Variants in MYORG observed in about 807,000 individuals in gnomAD.
The protein encoded by MYORG is myogenesis regulating glycosidase.
MYORG carries 45 observed loss-of-function variants against 49.8 expected under a neutral mutation model. The observed-to-expected ratio is 0.90, with a 90% CI of 0.71 to 1.16. The LOEUF is 1.16. Ranked by LOEUF, MYORG falls within the 50% of genes most tolerant of loss-of-function variation. MYORG has a pLI of 0.00. For synonymous variants in MYORG, 552 were observed against 462.9 expected, an observed-to-expected ratio of 1.19 and a Z score of -2.47; for missense variants, 1,110 against 1,026.5, an observed-to-expected ratio of 1.08 and a Z score of -1.11.
Position 34,368,303 on chromosome 9 carries a change from T to A in MYORG, c.*2496A>T, listed in dbSNP as rs1820530834. The stretch of plus-strand genomic sequence containing the variant: ...AGACATTTTCCCCATGTCTTAGTGA[T>A]TAACATTTGGCTCCTTGTTACTTAT... On this transcript the variant is annotated 3_prime_UTR_variant, in exon 2 of 2. Transcript: ENST00000297625. 6.6e-6 allele frequency: 1 copy of A among 152,268 alleles called. No individual in the cohort carries two copies. Among genetic ancestry groups the A allele is most frequent in the Non-Finnish European group, 1.5e-5 (1 of 68,046 alleles). 9.4% of individuals were successfully genotyped at this position (152,268 alleles called of 1,614,324 possible).
intron 1 of MYORG, among the ~76,000 whole-genome samples, chr9:34,375,504 A>G (rs1188342762): frequency 6.6e-6 from 1 of 152,234 alleles, no homozygotes; most frequent in Non-Finnish European, 1.5e-5. Flanking sequence ...GATGCCCTCA[A>G]GCTGAGCAGA....
Position 34,372,320 on chromosome 9 carries a change from C to G in MYORG, c.624G>C (p.Pro208=), listed in dbSNP as rs1390547581. ...IRLDGQQEPQ[P]FVTSDVYSSD... is the part of the protein sequence containing the mutation. ...AGGAGTAGACATCGCTGGTGACGAACGGCTGGGGCTCCTGCTGGCCATCCA... is the reference window on the plus strand; with the variant it reads ...AGGAGTAGACATCGCTGGTGACGAAGGGCTGGGGCTCCTGCTGGCCATCCA... Residue 208 remains proline (P), a synonymous_variant, in exon 2 of 2, where the codon CCG becomes CCC. Coordinates refer to ENST00000297625, the MANE Select transcript of MYORG (RefSeq NM_020702.5). 6.2e-7 allele frequency: 1 copy of G among 1,606,934 alleles called. No individual in the cohort carries two copies. Among genetic ancestry groups the G allele is most frequent in the African/African-American group, 1.3e-5 (1 of 74,804 alleles).
In MYORG at chr9:34,372,647, G is replaced by A. The variant is rs2131881692; in HGVS notation, c.297C>T (p.Gly99=). 6.2e-7 allele frequency: 1 copy of A among 1,607,360 alleles called. No individual in the cohort carries two copies. Among genetic ancestry groups the A allele is most frequent in the Non-Finnish European group, 8.5e-7 (1 of 1,177,108 alleles). Residue 99 remains glycine, a synonymous_variant, in exon 2 of 2, where the codon GGC becomes GGT. Transcript: ENST00000297625. ...RAELLDLKAG[G]FSIRNQKGEQ... ...CTCCCTTCTGATTGCGGATGGAGAA[G>A]CCGCCAGCTTTCAGGTCCAGCAGCT... is the stretch of plus-strand genomic sequence containing the variant.
rs751777259 is a variant in MYORG, at chr9:34,372,247, G to C, written c.697C>G (p.Arg233Gly). 9 of 1,610,686 alleles carry C rather than the reference G, an allele frequency of 5.6e-6. No individual in the cohort carries two copies. The highest frequency in any genetic ancestry group is 2.2e-5 in the East Asian group (1 of 44,768). Residue 233 changes from arginine (R) to glycine (G), a missense_variant, in exon 2 of 2, where the codon CGC becomes GGC. By Grantham distance (125) the Arg-to-Gly change is moderately radical. Transcript: ENST00000297625. The stretch of plus-strand genomic sequence containing the variant: ...TCATTGACTTTGATGGCGGCCGCGC[G>C]CGAAGATAGCCAGTAGCGCTCGAGG... ...GILERYWLSS[R>G]AAAIKVNDSV...
rs551978122 is a variant in MYORG at position 34,370,125 on chromosome 9, T to C, written c.*674A>G. ...CACATTTGGCCCAGGGCTGAGCCCA[T>C]GTATGTACACAAATGGGTTAGTGCA... On this transcript the variant is annotated 3_prime_UTR_variant, in exon 2 of 2. Coordinates refer to ENST00000297625, the MANE Select transcript of MYORG (RefSeq NM_020702.5). The C allele has an allele frequency of 1.3e-5, 2 of 152,768 alleles. No individual in the cohort carries two copies. Among genetic ancestry groups the C allele is most frequent in the African/African-American group, 2.4e-5 (1 of 41,468 alleles). The allele number at this position is 152,768 out of a possible 1,614,324, so 9.5% of individuals were successfully genotyped here.
Position 34,371,661 on chromosome 9 carries a change from C to G in MYORG, c.1283G>C (p.Gly428Ala). 6.2e-7 allele frequency: 1 copy of G among 1,606,842 alleles called. No individual in the cohort carries two copies. Among genetic ancestry groups the G allele is most frequent in the Non-Finnish European group, 8.5e-7 (1 of 1,176,800 alleles). Residue 428 changes from glycine to alanine, a missense_variant, in exon 2 of 2, where the codon GGC becomes GCC. Physicochemically the swap from Gly to Ala is moderately conservative, Grantham distance 60 (BLOSUM62 0). Transcript: ENST00000297625. ...CGTGAAGTCTAGCACCGCGCCGATG[C>G]CGTTCCACCAGCGCACCAGCGCAGG... ...RLPALVRWWN[G>A]IGAVLDFTHP... is the part of the protein sequence containing the mutation.
At position 34,371,963 on chromosome 9, in the gene MYORG, G is replaced by C. The variant is rs755314686; in HGVS notation, c.981C>G (p.Ala327=). 3 of 1,614,042 alleles carry C rather than the reference G, an allele frequency of 1.9e-6. No individual in the cohort carries two copies. Among genetic ancestry groups the C allele is most frequent in the South Asian group, 2.2e-5 (2 of 91,092 alleles). ...AACGCAGCACCTTGTCCTGGTCCAC[G>C]GCGCGCCCGTACAGCGCCCATGTGG... is the stretch of plus-strand genomic sequence containing the variant. The part of the protein sequence containing the change: ...IWSTWALYGR[A]VDQDKVLRFA... The change falls in exon 2 of 2, where the codon GCC becomes GCG. Residue 327 remains alanine, a synonymous_variant. Transcript: ENST00000297625.
chr9:34,372,004 G>C lies in MYORG; in HGVS notation c.940C>G (p.Arg314Gly), dbSNP rs769496749. 1.9e-6 allele frequency: 3 copies of C among 1,613,994 alleles called. No individual in the cohort carries two copies. The South Asian group carries it at 3.3e-5, about 18-fold the overall frequency. Residue 314 changes from arginine to glycine, a missense_variant, in exon 2 of 2, where the codon CGA becomes GGA. Physicochemically the swap from Arg to Gly is moderately radical, Grantham distance 125. Coordinates refer to ENST00000297625, the MANE Select transcript of MYORG (RefSeq NM_020702.5). ...GCCCATGTGGACCAAATGGGGTCTC[G>C]GAAGGCCTCGGGTGCTGGCACCCTT... ...PSRVPAPEAF[R>G]DPIWSTWALY... is the part of the protein sequence containing the mutation.
chr9:34,374,508 A>T (rs989821648), intron 1 of MYORG, among the ~76,000 whole-genome samples: 2 of 152,042 alleles, frequency 1.3e-5, no homozygotes, highest in East Asian at 3.9e-4. Flanking sequence ...AGCTTGGCCC[A>T]GCGCACCTCC....
At position 34,371,742 on chromosome 9, in the gene MYORG, C is replaced by A. The variant is rs771258817; in HGVS notation, c.1202G>T (p.Arg401Leu). The stretch of plus-strand genomic sequence containing the variant: ...CTCGCGCTCCACGCCCTCGCCGAAG[C>A]GCGACGAGTTGTAGTTGACAAAAGG... The part of the protein sequence containing the change: ...VHPFVNYNSS[R>L]FGEGVERELF... The change falls in exon 2 of 2, where the codon CGC becomes CTC. Residue 401 changes from arginine (R) to leucine (L), a missense_variant. Transcript: ENST00000297625. 2 of 1,612,892 alleles carry A rather than the reference C, an allele frequency of 1.2e-6. No individual in the cohort carries two copies. Among genetic ancestry groups the A allele is most frequent in the African/African-American group, 2.7e-5 (2 of 74,934 alleles).
rs749715981 is a variant in MYORG, at chr9:34,371,133, G to A, written c.1811C>T (p.Ala604Val). The A allele has an allele frequency of 2.4e-5, 39 of 1,607,744 alleles. No individual in the cohort carries two copies. The highest frequency in any genetic ancestry group is 3.3e-5 in the Non-Finnish European group (39 of 1,175,888). ...GGCCCGCAGGGCGGCGAACTTCTGC[G>A]CGATGGCCACCACTTCCGCGTCGTA... Reference protein sequence around the residue: ...WRYDAEVVAIAQKFAALRASL... With the variant: ...WRYDAEVVAIVQKFAALRASL... The change falls in exon 2 of 2, where the codon GCG becomes GTG. Residue 604 changes from alanine (A) to valine (V), a missense_variant. Physicochemically the swap from Ala to Val is moderately conservative, Grantham distance 64. Transcript: ENST00000297625.
In MYORG at chr9:34,376,522, C is replaced by T. The variant is rs1347553412; in HGVS notation, c.-64+271G>A. Among the ~76,000 whole-genome samples the T allele has an allele frequency of 1.3e-5, 2 of 152,258 alleles. No homozygotes were observed. The highest frequency in any genetic ancestry group is 3.9e-4 in the East Asian group (2 of 5,188). On this transcript the variant is annotated intron_variant, in intron 1 of 1. Coordinates refer to ENST00000297625, the MANE Select transcript of MYORG (RefSeq NM_020702.5). The surrounding 1 kb of genome is among the most constrained non-coding windows in gnomAD (Gnocchi z 4.4). ...GCAACTCGATCCGGCCCATCTCCCT[C>T]TCCTGCCAGGCGACGGTATCCGCGG...
rs2131880449 is a variant in MYORG at position 34,372,224 on chromosome 9, ATTGACT to A, written c.714_719del (p.Lys238_Val239del). 1 of 1,611,920 alleles carries A rather than the reference ATTGACT, an allele frequency of 6.2e-7. No individual in the cohort carries two copies. The highest frequency in any genetic ancestry group is 8.5e-7 in the Non-Finnish European group (1 of 1,179,314). ...AGCCCAGGTGGAAGGGCACTGAGTC[ATTGACT>A]TTGATGGCGGCCGCGCGCGAAGATA... On this transcript the variant is annotated inframe_deletion, in exon 2 of 2. Transcript: ENST00000297625.
In MYORG at chr9:34,376,128, A is replaced by G. The variant is rs1477788357; in HGVS notation, c.-64+665T>C. The stretch of plus-strand genomic sequence containing the variant: ...GGTGGGACCAGCTTCCATCAGATGG[A>G]CATGGCATGGTGAGGCCTGTCTTTC... On this transcript the variant is annotated intron_variant, in intron 1 of 1. Coordinates refer to ENST00000297625, the MANE Select transcript of MYORG (RefSeq NM_020702.5). This position sits in a 1 kb window ranked among gnomAD's most constrained non-coding sequence, Gnocchi z 4.4. Among the ~76,000 whole-genome samples the G allele has an allele frequency of 6.6e-6, 1 of 152,212 alleles. No homozygotes were observed. Among genetic ancestry groups the G allele is most frequent in the East Asian group, 1.9e-4 (1 of 5,196 alleles).
rs1217624444 is a variant in MYORG, at chr9:34,369,268, G to A, written c.*1531C>T. ...GGGTAGGGGACTGGTTTTGCTACCAGAGCTGTTGATGGAAGCTAAAGTTCA... is the reference window on the plus strand; with the variant it reads ...GGGTAGGGGACTGGTTTTGCTACCAAAGCTGTTGATGGAAGCTAAAGTTCA... On this transcript the variant is annotated 3_prime_UTR_variant, in exon 2 of 2. Transcript: ENST00000297625. The A allele has an allele frequency of 1.3e-5, 2 of 152,236 alleles. No homozygotes were observed. The highest frequency in any genetic ancestry group is 2.9e-5 in the Non-Finnish European group (2 of 68,062). 9.4% of individuals were successfully genotyped at this position (152,236 alleles called of 1,614,324 possible).
Position 34,372,854 on chromosome 9 carries a change from G to C in MYORG, c.90C>G (p.Ile30Met). Residue 30 changes from isoleucine to methionine, a missense_variant, in exon 2 of 2, where the codon ATC (isoleucine) becomes ATG (methionine). Coordinates refer to ENST00000297625, the MANE Select transcript of MYORG (RefSeq NM_020702.5). ...CYAYRQNPEA[I>M]AAAAMYTFLP... ...GGAAGGTGTACATAGCTGCGGCTGC[G>C]ATGGCCTCGGGGTTCTGACGGTATG... The C allele has an allele frequency of 5.0e-6, 8 of 1,614,000 alleles. No individual in the cohort carries two copies. The highest frequency in any genetic ancestry group is 5.9e-6 in the Non-Finnish European group (7 of 1,179,892).
At position 34,370,863 on chromosome 9, in the gene MYORG, G is replaced by C; in HGVS notation, c.2081C>G (p.Pro694Arg). 2 of 1,606,816 alleles carry C rather than the reference G, an allele frequency of 1.2e-6. No individual in the cohort carries two copies. Among genetic ancestry groups the C allele is most frequent in the Non-Finnish European group, 1.7e-6 (2 of 1,174,132 alleles). The change falls in exon 2 of 2, where the codon CCG (proline) becomes CGG (arginine). Residue 694 changes from proline (P) to arginine (R), a missense_variant. Coordinates refer to ENST00000297625, the MANE Select transcript of MYORG (RefSeq NM_020702.5). Reference protein sequence around the residue: ...SYKGELFDKTPVLLTDYPVDL... With the variant: ...SYKGELFDKTRVLLTDYPVDL... ...GACCGGGTAATCGGTGAGCAGCACC[G>C]GCGTCTTGTCGAAAAGCTCACCCTT... is the stretch of plus-strand genomic sequence containing the variant.
chr9:34,371,818 T>G lies in MYORG; in HGVS notation c.1126A>C (p.Met376Leu), dbSNP rs775564433. ...CCGGCGTCGCGCAGGCGGCGGAACA[T>G]GTCGCTGGCGTTGGGGAATTTGACC... ...DEVKFPNASD[M>L]FRRLRDAGFR... Residue 376 changes from methionine (M) to leucine (L), a missense_variant, in exon 2 of 2, where the codon ATG becomes CTG. Met to Leu is a conservative substitution (Grantham distance 15). Coordinates refer to ENST00000297625, the MANE Select transcript of MYORG (RefSeq NM_020702.5). The G allele has an allele frequency of 6.2e-7, 1 of 1,614,012 alleles. No homozygotes were observed. The highest frequency in any genetic ancestry group is 8.5e-7 in the Non-Finnish European group (1 of 1,179,848).
chr9:34,374,876 T>G (rs1588006688), intron 1 of MYORG, among the ~76,000 whole-genome samples: 1 of 139,860 alleles, frequency 7.2e-6, no homozygotes, highest in East Asian at 2.1e-4. Flanking sequence ...CACTCCAGCC[T>G]AGGTGACAAA....
Sources: gnomAD v4.1 joint callset for allele counts (sites outside exome capture counted in the v4.1 genomes callset) on GRCh38, gnomAD v4.1.1 for gene constraint, Gnocchi (gnomAD v3.1) non-coding constraint, MANE v1.5 for transcripts, NCBI Gene and HGNC (gene_info 2026-07-23, HGNC 2026-07-21) for gene names.